LHFPL3: variants seen among roughly 807,000 people sequenced by gnomAD.
LHFPL3 encodes LHFPL tetraspan subfamily member 3 protein.
In LHFPL3, 5 loss-of-function variants were observed where a neutral mutation model predicts 19.3. The ratio of observed to expected loss-of-function variants is 0.26; its 90% confidence interval spans 0.14 to 0.54. The LOEUF (loss-of-function observed/expected upper bound fraction) is 0.54, where lower values mean the gene tolerates loss of function less well. LHFPL3 is among the 20% of genes least tolerant of loss of function. The probability of loss-of-function intolerance (pLI) is 0.94; values close to 1 mark genes in which losing one functional copy is unlikely to be tolerated. For missense variants in LHFPL3, 249 were observed against 307.4 expected (o/e 0.81, Z 1.42); for synonymous variants, 133 against 126.2 (o/e 1.05, Z -0.36).
At chr7:104,720,772 C>A (rs943855692) in intron 1 of LHFPL3, among the ~76,000 whole-genome samples, 2 of 152,148 alleles carry the variant, frequency 1.3e-5, no homozygotes, top group Non-Finnish European at 2.9e-5. Flanking sequence ...ATGCAGCCAA[C>A]AGACACATGA....
chr7:104,467,026 C>T (rs1165734895), intron 1 of LHFPL3, among the ~76,000 whole-genome samples: 2 of 152,118 alleles, frequency 1.3e-5, no homozygotes, highest in Non-Finnish European at 1.5e-5. Flanking sequence ...CATCTGTTTC[C>T]TCTTTAGCTT....
chr7:104,775,065 T>C (rs893727542), intron 2 of LHFPL3, among the ~76,000 whole-genome samples: 2 of 152,150 alleles, frequency 1.3e-5, no homozygotes, highest in Non-Finnish European at 2.9e-5. Flanking sequence ...GTTTCAAAAA[T>C]AGGATAACCA....
At chr7:104,808,890 C>CT (rs151212974) in intron 2 of LHFPL3, among the ~76,000 whole-genome samples, 311 of 77,214 alleles carry the variant, frequency 4.0e-3, no homozygotes, top group African/African-American at 6.4e-3. Context: ...ATGATAGATC[C>CT]TTTTTTTTTT....
intron 2 of LHFPL3, among the ~76,000 whole-genome samples, chr7:104,877,085 A>C (rs1364664790): frequency 1.3e-5 from 2 of 152,214 alleles, no homozygotes; most frequent in Non-Finnish European, 2.9e-5. Context: ...ATGAGAACAC[A>C]TGGACACAGG....
intron 1 of LHFPL3, among the ~76,000 whole-genome samples, chr7:104,699,757 C>G (rs1433602313): frequency 1.3e-5 from 2 of 152,196 alleles, no homozygotes; most frequent in Non-Finnish European, 2.9e-5. Context: ...CCAGCATCCC[C>G]TCGCAGGACA....
intron 1 of LHFPL3, among the ~76,000 whole-genome samples, chr7:104,345,520 T>A (rs892382912): frequency 2.0e-5 from 3 of 152,202 alleles, no homozygotes; most frequent in Non-Finnish European, 2.9e-5. Context: ...AAGGATGTTA[T>A]TGTAAGTTTT....
At chr7:104,698,658 A>G (rs1391474040) in intron 1 of LHFPL3, among the ~76,000 whole-genome samples, 3 of 152,240 alleles carry the variant, frequency 2.0e-5, no homozygotes, top group Non-Finnish European at 4.4e-5. Flanking sequence ...AACTTGGAAG[A>G]AACCAAGGTA....
chr7:104,461,698 A>G (rs1349496715), intron 1 of LHFPL3, among the ~76,000 whole-genome samples: 1 of 152,092 alleles, frequency 6.6e-6, no homozygotes, highest in Non-Finnish European at 1.5e-5. Flanking sequence ...AAGTCAGGTA[A>G]CATGATGCTT....
rs2115760127 is a variant in LHFPL3 at position 104,613,419 on chromosome 7, C to T, written c.446-123256C>T. ...CCTTTCTTGTGTAATTGCAAATGGT[C>T]CTCAATGCTGTTTAAATGCTGCTAT... On this transcript the variant is annotated intron_variant, in intron 1 of 2. Coordinates refer to ENST00000424859, the MANE Select transcript of LHFPL3 (RefSeq NM_199000.3). 2.0e-5 allele frequency among the ~76,000 whole-genome samples: 3 copies of T among 152,216 alleles called. No individual in the cohort carries two copies. The Middle Eastern group carries it at 0.01, about 518-fold the overall frequency.
chr7:104,565,284 C>A (rs1790097355), intron 1 of LHFPL3, among the ~76,000 whole-genome samples: 1 of 152,116 alleles, frequency 6.6e-6, no homozygotes, highest in Admixed American at 6.5e-5. Context: ...TAAAAGCTCT[C>A]CAGAAAAATC....
rs371761232 is a variant in LHFPL3, at chr7:104,372,043, G to A, written c.445+42819G>A. ...AAGTTACAGTCCATTTAAGAATAAC[G>A]TGGTCCTTTTGGAACCATTGCCTTT... On this transcript the variant is annotated intron_variant, in intron 1 of 2. Transcript: ENST00000424859. 4.6e-5 allele frequency among the ~76,000 whole-genome samples: 7 copies of A among 152,264 alleles called. No individual in the cohort carries two copies. In the East Asian group the frequency reaches 7.7e-4, roughly 17 times the overall value.
intron 1 of LHFPL3, among the ~76,000 whole-genome samples, chr7:104,397,590 CCTT>C (rs1298880593): frequency 3.3e-5 from 5 of 152,122 alleles, no homozygotes; most frequent in African/African-American, 4.8e-5. Flanking sequence ...TTCCTTTCCT[CCTT>C]CTCTGGGAGC....
At chr7:104,435,082 A>G (rs1451166841) in intron 1 of LHFPL3, among the ~76,000 whole-genome samples, 2 of 151,974 alleles carry the variant, frequency 1.3e-5, no homozygotes, top group East Asian at 1.9e-4. Context: ...TTTAAGGAAA[A>G]GAAAACATTT....
intron 1 of LHFPL3, among the ~76,000 whole-genome samples, chr7:104,495,093 C>A (rs1320469713): frequency 6.6e-6 from 1 of 152,234 alleles, no homozygotes; most frequent in African/African-American, 2.4e-5. Context: ...CTCTCTACTT[C>A]TTTCTCTCCT....
chr7:104,328,723 A>G lies in LHFPL3; in HGVS notation c.-57A>G. 1.4e-6 allele frequency: 2 copies of G among 1,464,806 alleles called. No homozygotes were observed. Among genetic ancestry groups the G allele is most frequent in the Non-Finnish European group, 1.8e-6 (2 of 1,085,872 alleles). 90.7% of individuals were successfully genotyped at this position (1,464,806 alleles called of 1,614,324 possible). ...CCGTGAGTGTGTCTCCTGCGCGCTG[A>G]GAGGCGGGGGGAGGCGGAGGACCAG... On this transcript the variant is annotated 5_prime_UTR_variant, in exon 1 of 3. Coordinates refer to ENST00000424859, the MANE Select transcript of LHFPL3 (RefSeq NM_199000.3). The surrounding 1 kb of genome is among the most constrained non-coding windows in gnomAD (Gnocchi z 4.6).
chr7:104,684,862 T>C (rs1169295251), intron 1 of LHFPL3, among the ~76,000 whole-genome samples: 3 of 152,206 alleles, frequency 2.0e-5, no homozygotes, highest in Non-Finnish European at 4.4e-5. Context: ...TTGAAAACTC[T>C]GCCCAGTGGG....
chr7:104,396,577 T>C (rs769478532), intron 1 of LHFPL3, among the ~76,000 whole-genome samples: 1 of 151,638 alleles, frequency 6.6e-6, no homozygotes, highest in Non-Finnish European at 1.5e-5. Context: ...GCATCCTCTT[T>C]TCTCCAGCCC....
chr7:104,867,279 GA>G (rs1420315477), intron 2 of LHFPL3, among the ~76,000 whole-genome samples: 1 of 152,130 alleles, frequency 6.6e-6, no homozygotes, highest in East Asian at 1.9e-4. Flanking sequence ...AAAAATCAAT[GA>G]ATCCAGGAGC....
At chr7:104,636,976 AGTT>A (rs1791740062) in intron 1 of LHFPL3, among the ~76,000 whole-genome samples, 1 of 152,140 alleles carries the variant, frequency 6.6e-6, no homozygotes, top group South Asian at 2.1e-4. Context: ...TTTCCACAAT[AGTT>A]GAACTAATTT....
Sources: allele counts gnomAD v4.1 joint callset (sites outside exome capture counted in the v4.1 genomes callset), GRCh38; gene constraint gnomAD v4.1.1; non-coding constraint Gnocchi (gnomAD v3.1); transcripts MANE v1.5; gene names NCBI Gene and HGNC (gene_info 2026-07-23, HGNC 2026-07-21).